The following MEMO1 variants were observed in gnomAD, a reference collection of about 807,000 sequenced individuals.
MEMO1 encodes the protein protein MEMO1.
In MEMO1, 6 loss-of-function variants were observed where a neutral mutation model predicts 45.2. The observed-to-expected ratio is 0.13, with a 90% confidence interval of 0.07 to 0.26. MEMO1 has a LOEUF of 0.26. MEMO1 is among the 10% of genes least tolerant of loss of function. The probability of loss-of-function intolerance (pLI) is 1.00; values close to 1 mark genes in which losing one functional copy is unlikely to be tolerated. For synonymous variants in MEMO1, 78 were observed against 124.3 expected (o/e 0.63, Z 2.48); for missense variants, 184 against 370.5 (o/e 0.50, Z 4.13).
At chr2:31,931,448 T>C (rs1027065381) in intron 4 of MEMO1, among the ~76,000 whole-genome samples, 4 of 152,198 alleles carry the variant, frequency 2.6e-5, no homozygotes, top group African/African-American at 9.7e-5. Flanking sequence ...GTAAATTAAC[T>C]GTGTAAATAA....
At chr2:31,977,558 G>A (rs1216980711) in intron 2 of MEMO1, among the ~76,000 whole-genome samples, 1 of 151,956 alleles carries the variant, frequency 6.6e-6, no homozygotes, top group Admixed American at 6.6e-5. Context: ...CTGTCACCCA[G>A]GCTGGAGTAC....
chr2:31,920,993 T>C, intron 4 of MEMO1, 83 bp from the exon 5 acceptor site: 2 of 901,208 alleles, frequency 2.2e-6, no homozygotes, highest in Non-Finnish European at 3.4e-6. Context: ...AAGTAATTCT[T>C]ACAAATCACT....
intron 8 of MEMO1, among the ~76,000 whole-genome samples, chr2:31,879,738 A>G (rs867912997): frequency 2.6e-5 from 4 of 152,308 alleles, no homozygotes; most frequent in Middle Eastern, 3.4e-3. Flanking sequence ...TCCAGTGTAT[A>G]TTTTACACTT....
intron 6 of MEMO1, among the ~76,000 whole-genome samples, chr2:31,901,588 C>T (rs191239209): frequency 3.3e-5 from 5 of 151,960 alleles, no homozygotes; most frequent in Admixed American, 2.0e-4. Context: ...CTCAAATGAA[C>T]ACCAGGTTTC....
In MEMO1 at chr2:31,984,631, C is replaced by T. The variant is rs563808298; in HGVS notation, c.61+25556G>A. On this transcript the variant is annotated intron_variant, in intron 2 of 9. Coordinates refer to ENST00000404530, the MANE Select transcript of MEMO1 (RefSeq NM_001301833.4). The stretch of plus-strand genomic sequence containing the variant: ...CCTGGCTAACACGGTGAAACCCCGT[C>T]TCTACTAAAAACACAAACAAAAAAA... Among the ~76,000 whole-genome samples the T allele has an allele frequency of 5.9e-5, 9 of 152,282 alleles. No individual in the cohort carries two copies. In the East Asian group the frequency reaches 9.7e-4, roughly 16 times the overall value.
At position 31,918,041 on chromosome 2, in the gene MEMO1, A is replaced by G; in HGVS notation, c.326-4T>C. On this transcript the variant is annotated splice_region_variant and splice_polypyrimidine_tract_variant and intron_variant, in intron 5 of 9. Coordinates refer to ENST00000404530, the MANE Select transcript of MEMO1 (RefSeq NM_001301833.4). ...GTCTTCCACAGTTCTCCGTAAACTA[A>G]AGAGATTTCAAAATACAGTAAAATA... 1 of 1,590,880 alleles carries G rather than the reference A, an allele frequency of 6.3e-7. No individual in the cohort carries two copies. The highest frequency in any genetic ancestry group is 1.3e-5 in the African/African-American group (1 of 74,406).
intron 2 of MEMO1, among the ~76,000 whole-genome samples, chr2:31,984,699 G>A (rs1458385668): frequency 6.6e-6 from 1 of 152,192 alleles, no homozygotes; most frequent in African/African-American, 2.4e-5. Context: ...CCAGCCAGTC[G>A]GGAGGCTGAG....
chr2:31,957,911 C>T (rs866219000), intron 2 of MEMO1, among the ~76,000 whole-genome samples: 3 of 152,300 alleles, frequency 2.0e-5, no homozygotes, highest in Middle Eastern at 3.4e-3. Flanking sequence ...CTGTTTCCTT[C>T]TTTCACTAAG....
At chr2:31,954,195 G>A (rs906558170) in intron 2 of MEMO1, among the ~76,000 whole-genome samples, 1 of 152,144 alleles carries the variant, frequency 6.6e-6, no homozygotes, top group Non-Finnish European at 1.5e-5. Flanking sequence ...GCACTATGGT[G>A]TTATTTTAAA....
chr2:31,886,519 TTAA>T (rs1676218737), intron 7 of MEMO1, among the ~76,000 whole-genome samples: 1 of 152,082 alleles, frequency 6.6e-6, no homozygotes, highest in South Asian at 2.1e-4. Context: ...AAAATTTTAT[TTAA>T]TAATAAAGAA....
chr2:31,998,618 G>A (rs984770600), intron 2 of MEMO1, among the ~76,000 whole-genome samples: 3 of 152,174 alleles, frequency 2.0e-5, no homozygotes, highest in East Asian at 1.9e-4. Flanking sequence ...GGCCAACATA[G>A]AGAAACCCCA....
chr2:31,888,349 T>C (rs1369380459), intron 7 of MEMO1, among the ~76,000 whole-genome samples: 1 of 152,126 alleles, frequency 6.6e-6, no homozygotes, highest in East Asian at 1.9e-4. Context: ...CAATTTCATT[T>C]AGAAACTTCT....
At chr2:31,879,059 G>C (rs1422721360) in intron 8 of MEMO1, among the ~76,000 whole-genome samples, 1 of 152,144 alleles carries the variant, frequency 6.6e-6, no homozygotes, top group African/African-American at 2.4e-5. Context: ...TCCTGTGACT[G>C]TGTTTCCCTG....
chr2:31,885,213 G>A (rs773566245), intron 7 of MEMO1, among the ~76,000 whole-genome samples: 9 of 152,004 alleles, frequency 5.9e-5, no homozygotes, highest in Admixed American at 2.0e-4. Flanking sequence ...TCTGCCTCCC[G>A]GGTTCAAGTG....
Position 31,950,387 on chromosome 2 carries a change from A to C in MEMO1, c.62-7004T>G, listed in dbSNP as rs1351871233. ...CAGAGCAAGACTCCGTCAAAAAAAA[A>C]AAACAAAAAAAAACCTATTAATGAA... On this transcript the variant is annotated intron_variant, in intron 2 of 9. Coordinates refer to ENST00000404530, the MANE Select transcript of MEMO1 (RefSeq NM_001301833.4). Among the ~76,000 whole-genome samples the C allele has an allele frequency of 1.2e-4, 18 of 151,636 alleles. 1 individual carries two copies. The highest frequency in any genetic ancestry group is 2.2e-4 in the Non-Finnish European group (15 of 67,926).
rs554055724 is a variant in MEMO1, at chr2:31,902,159, G to A, written c.438-10025C>T. Among the ~76,000 whole-genome samples, 20 of 152,106 alleles carry A rather than the reference G, an allele frequency of 1.3e-4. No individual in the cohort carries two copies. The South Asian group carries it at 3.1e-3, about 24-fold the overall frequency. ...AGACCAGGTGTGCTGGCTCACACCT[G>A]TAATCCCAGCACTTTGGGAGGCAGA... On this transcript the variant is annotated intron_variant, in intron 6 of 9. Transcript: ENST00000404530.
At chr2:31,911,539 A>C (rs576934221) in intron 6 of MEMO1, among the ~76,000 whole-genome samples, 1 of 152,326 alleles carries the variant, frequency 6.6e-6, no homozygotes, top group South Asian at 2.1e-4. Flanking sequence ...TTAATATAAT[A>C]ATGTATCGAT....
At position 32,010,290 on chromosome 2, in the gene MEMO1, AGGCGGCGGC is replaced by A. The variant is rs765824290; in HGVS notation, c.-17-35_-17-27del. ...CTATGGTGCACGAGGATGAATGAGG[AGGCGGCGGC>A]GGCGGCGGCAGGAGCGGCTCCGCGA... On this transcript the variant is annotated intron_variant, in intron 1 of 9. Transcript: ENST00000404530. The A allele has an allele frequency of 5.2e-5, 70 of 1,345,962 alleles. 2 individuals are homozygous for A. The highest frequency in any genetic ancestry group is 2.0e-4 in the Admixed American group (9 of 44,716). 83.4% of individuals were successfully genotyped at this position (1,345,962 alleles called of 1,614,324 possible).
intron 3 of MEMO1, among the ~76,000 whole-genome samples, chr2:31,937,761 T>G (rs917703979): frequency 6.6e-6 from 1 of 152,206 alleles, no homozygotes; most frequent in African/African-American, 2.4e-5. Context: ...TTTAAATGTA[T>G]AAGGGGGGCT....
Sources: gnomAD v4.1 joint callset for allele counts (sites outside exome capture counted in the v4.1 genomes callset) on GRCh38, gnomAD v4.1.1 for gene constraint, MANE v1.5 for transcripts, NCBI Gene and HGNC (gene_info 2026-07-23, HGNC 2026-07-21) for gene names.